Variants in FAM20B observed in about 807,000 individuals in gnomAD.
FAM20B encodes FAM20B glycosaminoglycan xylosylkinase, also known as glycosaminoglycan xylosylkinase.
A neutral mutation model predicts 43.8 loss-of-function variants in FAM20B; 23 were observed. The ratio of observed to expected loss-of-function variants is 0.53; its 90% CI spans 0.38 to 0.74. FAM20B has a LOEUF of 0.74. FAM20B is among the 30% of genes least tolerant of loss of function. The pLI, the probability that FAM20B is intolerant of heterozygous loss-of-function variation, is 0.00. For synonymous variants in FAM20B, 178 were observed against 192.4 expected (o/e 0.93, Z 0.62); for missense variants, 440 against 510.5 (o/e 0.86, Z 1.33).
intron 2 of FAM20B, among the ~76,000 whole-genome samples, chr1:179,048,490 C>G (rs2102503455): frequency 6.6e-6 from 1 of 152,344 alleles, no homozygotes; most frequent in East Asian, 1.9e-4. Flanking sequence ...GGAAAGCTCT[C>G]TAATGTTTCA....
intron 1 of FAM20B, among the ~76,000 whole-genome samples, chr1:179,035,810 T>TTG (rs372208617): frequency 0.011 from 1,681 of 151,110 alleles, 23 homozygotes; most frequent in African/African-American, 0.037. Flanking sequence ...ATGAGTGTGT[T>TTG]TGTGTGTGTG....
chr1:179,048,336 A>G (rs1346520131), intron 2 of FAM20B, among the ~76,000 whole-genome samples: 1 of 152,218 alleles, frequency 6.6e-6, no homozygotes, highest in African/African-American at 2.4e-5. Flanking sequence ...ACATGAGCTG[A>G]GGATTCAGGC....
intron 4 of FAM20B, among the ~76,000 whole-genome samples, chr1:179,062,195 G>T (rs2102519283): frequency 6.6e-6 from 1 of 152,160 alleles, no homozygotes; most frequent in East Asian, 1.9e-4. Flanking sequence ...GTACTAAAAT[G>T]GTATTTAGGA....
chr1:179,061,965 C>G (rs1244813780), intron 4 of FAM20B, among the ~76,000 whole-genome samples: 5 of 152,042 alleles, frequency 3.3e-5, no homozygotes, highest in Admixed American at 2.0e-4. Flanking sequence ...CACTTTCTTG[C>G]AACTGGCATA....
the FAM20B span, among the ~76,000 whole-genome samples, chr1:179,020,437 G>A: frequency 2.0e-5 from 3 of 152,162 alleles, no homozygotes; most frequent in Non-Finnish European, 2.9e-5. Context: ...TCTCATCCTT[G>A]CTCACAGCAG....
At chr1:179,041,163 C>T (rs888292804) in intron 1 of FAM20B, among the ~76,000 whole-genome samples, 5 of 151,504 alleles carry the variant, frequency 3.3e-5, no homozygotes, top group African/African-American at 1.2e-4. Context: ...ACGCTCCTCA[C>T]TTTCCAGACT....
the FAM20B span, among the ~76,000 whole-genome samples, chr1:179,019,573 C>T: frequency 6.6e-6 from 1 of 152,004 alleles, no homozygotes; most frequent in Admixed American, 6.6e-5. Context: ...AGTGATTCTC[C>T]TGCCTCAGCC....
rs61169246 is a variant in FAM20B, at chr1:179,070,515, C to CTT, written c.999-1372_999-1371dup. On this transcript the variant is annotated intron_variant, in intron 7 of 7. Transcript: ENST00000263733. ...GAGGGCAACAAGGGGCTGAACTCGCCTTTTTTTTTTTTTTTTTTTTTTTTT... is the reference window on the plus strand; with the variant it reads ...GAGGGCAACAAGGGGCTGAACTCGCCTTTTTTTTTTTTTTTTTTTTTTTTTTT... Among the ~76,000 whole-genome samples, 71 of 57,780 alleles carry CTT rather than the reference C, an allele frequency of 1.2e-3. 8 individuals carry two copies. Among genetic ancestry groups the CTT allele is most frequent in the African/African-American group, 6.2e-3 (65 of 10,510 alleles). 37.9% of individuals were successfully genotyped at this position (57,780 alleles called of 152,430 possible).
intron 7 of FAM20B, among the ~76,000 whole-genome samples, chr1:179,067,156 C>CA (rs768489429): frequency 9.5e-4 from 128 of 134,328 alleles, no homozygotes; most frequent in Admixed American, 1.1e-3. Context: ...ACCCCACTGC[C>CA]AAAAAAAAAA....
intron 7 of FAM20B, among the ~76,000 whole-genome samples, chr1:179,067,434 G>A (rs886186769): frequency 3.3e-5 from 5 of 152,082 alleles, no homozygotes; most frequent in Non-Finnish European, 7.4e-5. Flanking sequence ...GCGAAACCCC[G>A]TCTCTATTAA....
At chr1:179,054,672 A>G in intron 4 of FAM20B, 34 bp downstream of exon 4, 1 of 1,306,224 alleles carries the variant, frequency 7.7e-7, no homozygotes, top group Non-Finnish European at 1.1e-6. Flanking sequence ...TATATAGGGG[A>G]ATGATTAATA....
intron 1 of FAM20B, among the ~76,000 whole-genome samples, chr1:179,039,346 G>T (rs962481368): frequency 2.0e-5 from 3 of 152,278 alleles, no homozygotes. Flanking sequence ...TTTAACTTAA[G>T]AATTGCCCAG....
chr1:179,039,061 T>G (rs889016368), intron 1 of FAM20B, among the ~76,000 whole-genome samples: 2 of 152,256 alleles, frequency 1.3e-5, no homozygotes, highest in African/African-American at 4.8e-5. Flanking sequence ...TGGGAGTGTC[T>G]TAGCCTGAAT....
chr1:179,040,399 C>A (rs910890365), intron 1 of FAM20B, among the ~76,000 whole-genome samples: 3 of 151,280 alleles, frequency 2.0e-5, no homozygotes, highest in Non-Finnish European at 4.4e-5. Context: ...GGGCGGCTGG[C>A]CGGGCAGAGG....
rs1374014493 is a variant in FAM20B at position 179,075,748 on chromosome 1, C to T, written c.*3604C>T. 6.6e-6 allele frequency: 1 copy of T among 152,120 alleles called. No homozygotes were observed. 9.4% of individuals were successfully genotyped at this position (152,120 alleles called of 1,614,324 possible). A position where few individuals can be genotyped will look rare whatever the true frequency, so the allele number is the denominator to read the frequency against. Reference sequence around the variant, plus strand: ...GTCATCTGAAGCCAGCATTATCTTCCAAAGAAATCGATCTTTTTTTTCTAA... The same window carrying T: ...GTCATCTGAAGCCAGCATTATCTTCTAAAGAAATCGATCTTTTTTTTCTAA... On this transcript the variant is annotated 3_prime_UTR_variant, in exon 8 of 8. Coordinates refer to ENST00000263733, the MANE Select transcript of FAM20B (RefSeq NM_014864.4).
chr1:179,043,868 C>T lies in FAM20B; in HGVS notation c.21C>T (p.Val7=), dbSNP rs777032848. 9.4e-6 allele frequency: 15 copies of T among 1,602,848 alleles called. No homozygotes were observed. Among genetic ancestry groups the T allele is most frequent in the Middle Eastern group, 1.7e-4 (1 of 6,044 alleles). The change falls in exon 2 of 8, where the codon GTC becomes GTT. Residue 7 remains valine (V), a synonymous_variant. Coordinates refer to ENST00000263733, the MANE Select transcript of FAM20B (RefSeq NM_014864.4). The part of the protein sequence containing the change: MKLKQR[V]VLLAILLVIF... ...TCAACATGAAGCTAAAGCAGCGAGTCGTGCTGTTAGCAATTCTCCTTGTCA... is the reference window on the plus strand; with the variant it reads ...TCAACATGAAGCTAAAGCAGCGAGTTGTGCTGTTAGCAATTCTCCTTGTCA...
chr1:179,049,519 T>A (rs969725532), intron 2 of FAM20B, among the ~76,000 whole-genome samples: 1 of 152,228 alleles, frequency 6.6e-6, no homozygotes, highest in Non-Finnish European at 1.5e-5. Context: ...TTATAAGCTT[T>A]GCCACAGCCA....
At chr1:179,039,561 G>A (rs1014509011) in intron 1 of FAM20B, among the ~76,000 whole-genome samples, 18 of 151,996 alleles carry the variant, frequency 1.2e-4, no homozygotes, top group Admixed American at 3.3e-4. Flanking sequence ...ATTATCCATG[G>A]TTTGCAGGTA....
rs1011019363 is a variant in FAM20B, at chr1:179,048,322, C to T, written c.378-1957C>T. On this transcript the variant is annotated intron_variant, in intron 2 of 7. Coordinates refer to ENST00000263733, the MANE Select transcript of FAM20B (RefSeq NM_014864.4). ...TCTGATTTTCCATATTTCACATAAC[C>T]AAAACATGAGCTGAGGATTCAGGCC... Among the ~76,000 whole-genome samples, 6 of 152,246 alleles carry T rather than the reference C, an allele frequency of 3.9e-5. No homozygotes were observed. In the East Asian group the frequency reaches 5.8e-4, roughly 15 times the overall value.
Sources: gnomAD v4.1 joint callset for allele counts (sites outside exome capture counted in the v4.1 genomes callset) on GRCh38, gnomAD v4.1.1 for gene constraint, MANE v1.5 for transcripts, NCBI Gene and HGNC (gene_info 2026-07-23, HGNC 2026-07-21) for gene names.